Variants in ZNF778 observed in about 807,000 individuals in gnomAD.
ZNF778 encodes zinc finger protein 778.
A neutral mutation model predicts 23.9 loss-of-function variants in ZNF778; 37 were observed. The ratio of observed to expected loss-of-function variants is 1.54; its 90% CI spans 1.19 to 2.03. The LOEUF (loss-of-function observed/expected upper bound fraction) is 2.03. Ranked by LOEUF, ZNF778 falls within the 30% of genes most tolerant of loss-of-function variation. The pLI is 0.00. For synonymous variants in ZNF778, 483 were observed against 343.9 expected (o/e 1.40, Z -4.48); for missense variants, 1,297 against 934.4 (o/e 1.39, Z -5.06).
chr16:89,228,060 G>A lies in ZNF778; in HGVS notation c.1772G>A (p.Cys591Tyr). The change falls in exon 7 of 7, where the codon TGT (cysteine) becomes TAT (tyrosine). Residue 591 changes from cysteine (C) to tyrosine (Y), a missense_variant. Transcript: ENST00000433976. Reference sequence around the variant, plus strand: ...CACACTGGAATAAAACCTTATGAATGTAAGGACTGTGGGAAAACATTCACT... The same window carrying A: ...CACACTGGAATAAAACCTTATGAATATAAGGACTGTGGGAAAACATTCACT... ...QIHTGIKPYE[C>Y]KDCGKTFTVS... The A allele has an allele frequency of 6.2e-7, 1 of 1,613,152 alleles. No individual in the cohort carries two copies. The highest frequency in any genetic ancestry group is 8.5e-7 in the Non-Finnish European group (1 of 1,179,234).
chr16:89,228,082 C>A lies in ZNF778; in HGVS notation c.1794C>A (p.Phe598Leu). ...AATGTAAGGACTGTGGGAAAACATT[C>A]ACTGTTTCTTCGAGCCTAACCGAGC... Reference protein sequence around the residue: ...PYECKDCGKTFTVSSSLTEHI... With the variant: ...PYECKDCGKTLTVSSSLTEHI... The change falls in exon 7 of 7, where the codon TTC becomes TTA. Residue 598 changes from phenylalanine to leucine, a missense_variant. By Grantham distance (22) the Phe-to-Leu change is conservative (BLOSUM62 0). Transcript: ENST00000433976. 1 of 1,612,908 alleles carries A rather than the reference C, an allele frequency of 6.2e-7. No individual in the cohort carries two copies. Among genetic ancestry groups the A allele is most frequent in the South Asian group, 1.1e-5 (1 of 91,022 alleles).
At chr16:89,222,458 G>T (rs1301531243) in intron 3 of ZNF778, among the ~76,000 whole-genome samples, 1 of 152,164 alleles carries the variant, frequency 6.6e-6, no homozygotes, top group South Asian at 2.1e-4. Context: ...CCGCCTCCCA[G>T]GTTCAAGCAA....
At position 89,224,799 on chromosome 16, in the gene ZNF778, C is replaced by T. The variant is rs1469871547; in HGVS notation, c.325C>T (p.Gln109Ter). Reference protein sequence around the residue: ...ELRAGRRAVLQEWRLKTKGPA... With the variant: ...ELRAGRRAVL ...GAGGGCAGGGCGGAGAGCAGTTCTC[C>T]AAGGTAAGTGTGAAGAGCACGCCTG... is the stretch of plus-strand genomic sequence containing the variant. Residue 109 changes from glutamine to a stop codon, truncating the protein, a stop_gained, in exon 5 of 7, where the codon CAA becomes TAA. Coordinates refer to ENST00000433976, the MANE Select transcript of ZNF778 (RefSeq NM_001201407.2). LOFTEE classifies it high-confidence loss of function. The T allele has an allele frequency of 9.3e-6, 12 of 1,291,424 alleles. No homozygotes were observed. The highest frequency in any genetic ancestry group is 1.1e-5 in the Non-Finnish European group (11 of 967,084). 80.0% of individuals were successfully genotyped at this position (1,291,424 alleles called of 1,614,324 possible). A position where few individuals can be genotyped will look rare whatever the true frequency, so the allele number is the denominator to read the frequency against.
chr16:89,232,905 A>G lies in ZNF778; in HGVS notation c.*4343A>G. On this transcript the variant is annotated 3_prime_UTR_variant, in exon 7 of 7. Coordinates refer to ENST00000433976, the MANE Select transcript of ZNF778 (RefSeq NM_001201407.2). ...CAACTCAACTCGCACTGCGTATGCA[A>G]CTCAACTCGCACTGCGTATGCGAAT... The G allele has an allele frequency of 1.6e-6, 2 of 1,282,530 alleles. No homozygotes were observed. Among genetic ancestry groups the G allele is most frequent in the African/African-American group, 1.5e-5 (1 of 65,414 alleles). The allele number at this position is 1,282,530 out of a possible 1,614,324, so 79.4% of individuals were successfully genotyped here. A position where few individuals can be genotyped will look rare whatever the true frequency, so the allele number is the denominator to read the frequency against.
chr16:89,230,001 A>G lies in ZNF778; in HGVS notation c.*1439A>G. 1.0e-6 allele frequency: 1 copy of G among 982,270 alleles called. No homozygotes were observed. Among genetic ancestry groups the G allele is most frequent in the Non-Finnish European group, 1.2e-6 (1 of 827,240 alleles). The allele number at this position is 982,270 out of a possible 1,614,324, so 60.8% of individuals were successfully genotyped here. Reference sequence around the variant, plus strand: ...GATCCAGATGTGATCCTGTGTGAGCAGTGTAGGCTCTGGTTGGTTAGTCTT... The same window carrying G: ...GATCCAGATGTGATCCTGTGTGAGCGGTGTAGGCTCTGGTTGGTTAGTCTT... On this transcript the variant is annotated 3_prime_UTR_variant, in exon 7 of 7. Transcript: ENST00000433976.
intron 3 of ZNF778, 43 bp downstream of exon 3, chr16:89,222,226 T>A: frequency 6.8e-7 from 1 of 1,464,572 alleles, no homozygotes; most frequent in African/African-American, 1.4e-5. Context: ...CATACTGGTA[T>A]TCAGCAGATA....
rs781132481 is a variant in ZNF778, at chr16:89,227,005, C to A, written c.717C>A (p.Tyr239Ter). The A allele has an allele frequency of 6.2e-7, 1 of 1,613,966 alleles. No homozygotes were observed. The highest frequency in any genetic ancestry group is 8.5e-7 in the Non-Finnish European group (1 of 1,179,892). Residue 239 changes from tyrosine (Y) to a stop codon, truncating the protein, a stop_gained, in exon 7 of 7, where the codon TAC becomes TAA. Transcript: ENST00000433976. LOFTEE classifies it low-confidence loss of function (END_TRUNC). Reference sequence around the variant, plus strand: ...GGGAAGTGTTCCTTAATCAGTCATACCTTCAGGCACGTGCGGGAAGTCACA... The same window carrying A: ...GGGAAGTGTTCCTTAATCAGTCATAACTTCAGGCACGTGCGGGAAGTCACA... Reference protein sequence around the residue: ...SCGEVFLNQSYLQARAGSHNG... With the variant: ...SCGEVFLNQS
rs373292938 is a variant in ZNF778 at position 89,228,208 on chromosome 16, C to G, written c.1920C>G (p.Thr640=). Residue 640 remains threonine (T), a synonymous_variant, in exon 7 of 7, where the codon ACC becomes ACG. Coordinates refer to ENST00000433976, the MANE Select transcript of ZNF778 (RefSeq NM_001201407.2). The part of the protein sequence containing the change: ...SHLIVHIRTH[T]GEKPYICKEC... The stretch of plus-strand genomic sequence containing the variant: ...TTATCGTGCACATAAGAACCCACAC[C>G]GGTGAGAAACCCTACATATGTAAGG... The G allele has an allele frequency of 2.5e-6, 4 of 1,613,404 alleles. No individual in the cohort carries two copies. The highest frequency in any genetic ancestry group is 1.1e-5 in the South Asian group (1 of 91,030).
In ZNF778 at chr16:89,227,506, A is replaced by G. The variant is rs772014093; in HGVS notation, c.1218A>G (p.Ser406=). ...VVCGKYFRNS[S]CLNNHVRIHT... The stretch of plus-strand genomic sequence containing the variant: ...GCGGAAAATATTTTAGAAATTCCTC[A>G]TGCCTTAATAATCATGTTCGAATTC... Residue 406 remains serine (S), a synonymous_variant, in exon 7 of 7, where the codon TCA becomes TCG. Coordinates refer to ENST00000433976, the MANE Select transcript of ZNF778 (RefSeq NM_001201407.2). The G allele has an allele frequency of 1.9e-6, 3 of 1,613,836 alleles. No individual in the cohort carries two copies. The highest frequency in any genetic ancestry group is 2.2e-5 in the East Asian group (1 of 44,840).
In ZNF778 at chr16:89,233,958, A is replaced by T. The variant is rs1309229232; in HGVS notation, c.*5396A>T. On this transcript the variant is annotated 3_prime_UTR_variant, in exon 7 of 7. Coordinates refer to ENST00000433976, the MANE Select transcript of ZNF778 (RefSeq NM_001201407.2). ...GTATGCCCTTGGGCCTGCTGGAAGT[A>T]TGCAGACTAGCCAGCCCCAGACTTC... 7.8e-7 allele frequency: 1 copy of T among 1,276,408 alleles called. No individual in the cohort carries two copies. The highest frequency in any genetic ancestry group is 1.0e-6 in the Non-Finnish European group (1 of 977,074). 79.1% of individuals were successfully genotyped at this position (1,276,408 alleles called of 1,614,324 possible). A position where few individuals can be genotyped will look rare whatever the true frequency, so the allele number is the denominator to read the frequency against.
intron 1 of ZNF778, among the ~76,000 whole-genome samples, chr16:89,219,461 T>C (rs573865524): frequency 9.1e-4 from 139 of 152,378 alleles, no homozygotes; most frequent in Middle Eastern, 3.4e-3. Context: ...AGTTCAGCCT[T>C]AGTCACCTCA....
At position 89,234,108 on chromosome 16, in the gene ZNF778, C is replaced by T. The variant is rs1053837559; in HGVS notation, c.*5546C>T. 7.9e-6 allele frequency: 4 copies of T among 507,132 alleles called. No homozygotes were observed. Among genetic ancestry groups the T allele is most frequent in the Middle Eastern group, 3.6e-4 (1 of 2,780 alleles). The allele number at this position is 507,132 out of a possible 1,614,324, so 31.4% of individuals were successfully genotyped here. On this transcript the variant is annotated 3_prime_UTR_variant, in exon 7 of 7. Transcript: ENST00000433976. ...CCTGCCTGGAGTGATGTGCCGCCTT[C>T]TCTTGACACTGTGAGTGATAAACTT... is the stretch of plus-strand genomic sequence containing the variant.
At chr16:89,219,557 G>A (rs1282928950) in intron 1 of ZNF778, among the ~76,000 whole-genome samples, 2 of 152,332 alleles carry the variant, frequency 1.3e-5, no homozygotes, top group Non-Finnish European at 2.9e-5. Flanking sequence ...CAGCTGCATA[G>A]ATGACCGTTT....
In ZNF778 at chr16:89,233,342, TCAGCTCGCACTGCGTATG is replaced by T; in HGVS notation, c.*4783_*4800del. The T allele has an allele frequency of 1.6e-6, 2 of 1,286,220 alleles. 1 individual carries two copies. Among genetic ancestry groups the T allele is most frequent in the South Asian group, 2.5e-5 (2 of 80,768 alleles). The allele number at this position is 1,286,220 out of a possible 1,614,324, so 79.7% of individuals were successfully genotyped here. A position where few individuals can be genotyped will look rare whatever the true frequency, so the allele number is the denominator to read the frequency against. On this transcript the variant is annotated 3_prime_UTR_variant, in exon 7 of 7. Coordinates refer to ENST00000433976, the MANE Select transcript of ZNF778 (RefSeq NM_001201407.2). ...ACTCAGCTCGCTCTGCGTATGCAAC[TCAGCTCGCACTGCGTATG>T]CAACTCGCACTGCGTATGCAACTCA...
rs546594301 is a variant in ZNF778, at chr16:89,230,752, G to A, written c.*2190G>A. The A allele has an allele frequency of 6.6e-6, 1 of 152,414 alleles. No homozygotes were observed. The highest frequency in any genetic ancestry group is 1.9e-4 in the East Asian group (1 of 5,188). 9.4% of individuals were successfully genotyped at this position (152,414 alleles called of 1,614,324 possible). A position where few individuals can be genotyped will look rare whatever the true frequency, so the allele number is the denominator to read the frequency against. On this transcript the variant is annotated 3_prime_UTR_variant, in exon 7 of 7. Coordinates refer to ENST00000433976, the MANE Select transcript of ZNF778 (RefSeq NM_001201407.2). ...GCCATCAGGGCAGCAGCTGCTTGGT[G>A]ACTGTTTCTGTGGTGTTGAATCCCC...
At chr16:89,220,412 C>CT (rs2030810840) in intron 1 of ZNF778, among the ~76,000 whole-genome samples, 1 of 152,292 alleles carries the variant, frequency 6.6e-6, no homozygotes, top group South Asian at 2.1e-4. Flanking sequence ...AATCTCAACA[C>CT]TTTGGGAGGC....
chr16:89,226,096 G>C (rs1160372012), intron 6 of ZNF778, among the ~76,000 whole-genome samples: 1 of 151,728 alleles, frequency 6.6e-6, no homozygotes, highest in Non-Finnish European at 1.5e-5. Context: ...ATTTTTAGTA[G>C]AGACGGGGTT....
chr16:89,220,630 C>G (rs536206544), intron 1 of ZNF778, among the ~76,000 whole-genome samples: 95 of 152,304 alleles, frequency 6.2e-4, no homozygotes, highest in African/African-American at 2.2e-3. Flanking sequence ...TACACTCCAG[C>G]CTGGGTGACA....
At position 89,228,253 on chromosome 16, in the gene ZNF778, TTCC is replaced by T. The variant is rs1271383567; in HGVS notation, c.1971_1973del (p.Ser658del). On this transcript the variant is annotated inframe_deletion, in exon 7 of 7. Transcript: ENST00000433976. Reference sequence around the variant, plus strand: ...GTAAGGAGTGTGGGAAAGCCTTTGCTTCCTCCTCACACCTTATCGAACACAGAA... The same window carrying T: ...GTAAGGAGTGTGGGAAAGCCTTTGCTTCCTCACACCTTATCGAACACAGAA... 2 of 1,603,814 alleles carry T rather than the reference TTCC, an allele frequency of 1.2e-6. No individual in the cohort carries two copies. Among genetic ancestry groups the T allele is most frequent in the East Asian group, 2.2e-5 (1 of 44,708 alleles).
Sources: allele counts gnomAD v4.1 joint callset (sites outside exome capture counted in the v4.1 genomes callset), GRCh38; gene constraint gnomAD v4.1.1; transcripts MANE v1.5; gene names NCBI Gene and HGNC (gene_info 2026-07-23, HGNC 2026-07-21).